COL10A1: variants seen among roughly 807,000 people sequenced by gnomAD.
The protein encoded by COL10A1 is collagen alpha-1(X) chain.
A neutral mutation model predicts 18.2 loss-of-function variants in COL10A1; 10 were observed. The ratio of observed to expected loss-of-function variants is 0.55; its 90% CI spans 0.34 to 0.93. The LOEUF (loss-of-function observed/expected upper bound fraction) is 0.93. Among genes scored for constraint, COL10A1 ranks in the 40% least tolerant of loss-of-function variants. COL10A1 has a pLI of 0.02. For synonymous variants in COL10A1, 330 were observed against 316.6 expected, an observed-to-expected ratio of 1.04 and a Z score of -0.45; for missense variants, 897 against 853.5, an observed-to-expected ratio of 1.05 and a Z score of -0.64.
chr6:116,209,233 C>CA, the COL10A1 span, among the ~76,000 whole-genome samples: 3 of 151,946 alleles, frequency 2.0e-5, no homozygotes, highest in African/African-American at 7.2e-5. Flanking sequence ...CACCAAGAGA[C>CA]AAAATCAAGG....
upstream of COL10A1, among the ~76,000 whole-genome samples, chr6:116,163,687 AGTTT>A (rs1209160382): frequency 6.6e-6 from 1 of 151,844 alleles, no homozygotes; most frequent in Non-Finnish European, 1.5e-5. Context: ...TTGTTTTTCT[AGTTT>A]GTTAGGTACA....
the COL10A1 span, among the ~76,000 whole-genome samples, chr6:116,216,873 G>A: frequency 6.6e-6 from 1 of 152,074 alleles, no homozygotes; most frequent in African/African-American, 2.4e-5. Flanking sequence ...TCATCGCTAG[G>A]CATTTTAGCT....
At chr6:116,194,637 T>C in the COL10A1 span, among the ~76,000 whole-genome samples, 2 of 152,064 alleles carry the variant, frequency 1.3e-5, no homozygotes, top group African/African-American at 4.8e-5. Context: ...TAATGTGAAT[T>C]CTCTTTATTT....
chr6:116,203,763 G>A, the COL10A1 span, among the ~76,000 whole-genome samples: 1 of 151,896 alleles, frequency 6.6e-6, no homozygotes, highest in African/African-American at 2.4e-5. Context: ...ATTATAGGGT[G>A]TATTTGTGAG....
At chr6:116,185,599 C>T in the COL10A1 span, among the ~76,000 whole-genome samples, 2 of 152,002 alleles carry the variant, frequency 1.3e-5, no homozygotes, top group South Asian at 4.2e-4. Flanking sequence ...TTGGACTAGT[C>T]CTTTTATCCT....
At position 116,156,259 on chromosome 6, in the gene COL10A1, C is replaced by T. The variant is rs547614549; in HGVS notation, c.-16+2355G>A. ...TGTAGTTTTTTCCTCCTCTGCAACC[C>T]ATTTCTCTAATTTTCCGGCAAAACT... On this transcript the variant is annotated intron_variant, in intron 1 of 1. Transcript: ENST00000418500. Among the ~76,000 whole-genome samples the T allele has an allele frequency of 2.6e-3, 398 of 152,196 alleles. 1 individual carries two copies. The highest frequency in any genetic ancestry group is 6.8e-3 in the South Asian group (33 of 4,824).
chr6:116,159,439 C>G (rs1780279680), upstream of COL10A1, among the ~76,000 whole-genome samples: 4 of 151,986 alleles, frequency 2.6e-5, no homozygotes, highest in Admixed American at 2.6e-4. Context: ...TCTTTATTGC[C>G]TCTGAGTTAA....
intron 2 of COL10A1, among the ~76,000 whole-genome samples, chr6:116,124,762 T>C (rs1779241267): frequency 6.6e-6 from 1 of 152,192 alleles, no homozygotes; most frequent in East Asian, 1.9e-4. Context: ...ATTTTACCGC[T>C]AAACTATATT....
At chr6:116,150,644 TG>T (rs1291698348) in intron 1 of COL10A1, among the ~76,000 whole-genome samples, 1 of 152,100 alleles carries the variant, frequency 6.6e-6, no homozygotes, top group Non-Finnish European at 1.5e-5. Flanking sequence ...TGGACAAGAG[TG>T]AGTTTTAGGT....
At chr6:116,162,969 T>C (rs1282131855), upstream of COL10A1, among the ~76,000 whole-genome samples, 4 of 151,476 alleles carry the variant, frequency 2.6e-5, no homozygotes, top group African/African-American at 4.9e-5. Context: ...CTACTAAATA[T>C]ACAAAAAATT....
At chr6:116,138,276 C>T (rs1302427099) in intron 1 of COL10A1, among the ~76,000 whole-genome samples, 1 of 152,152 alleles carries the variant, frequency 6.6e-6, no homozygotes, top group African/African-American at 2.4e-5. Flanking sequence ...TAGCCAAGAT[C>T]ACCATGGTAA....
the COL10A1 span, among the ~76,000 whole-genome samples, chr6:116,188,412 A>C: frequency 6.6e-6 from 1 of 152,060 alleles, no homozygotes; most frequent in Admixed American, 6.6e-5. Flanking sequence ...ATATCCCTCA[A>C]TAGTGCAGTT....
the COL10A1 span, among the ~76,000 whole-genome samples, chr6:116,212,324 A>T: frequency 6.6e-6 from 1 of 152,112 alleles, no homozygotes; most frequent in Non-Finnish European, 1.5e-5. Flanking sequence ...GTAGTGCCTC[A>T]TTAAAATAGC....
At chr6:116,132,818 CAG>C (rs1278202030) in intron 1 of COL10A1, among the ~76,000 whole-genome samples, 1 of 152,100 alleles carries the variant, frequency 6.6e-6, no homozygotes, top group Non-Finnish European at 1.5e-5. Flanking sequence ...GAAGTTTAGT[CAG>C]GGCACCTTCC....
chr6:116,135,739 CAAAT>C (rs1183331865), intron 1 of COL10A1, among the ~76,000 whole-genome samples: 2 of 149,984 alleles, frequency 1.3e-5, no homozygotes, highest in Admixed American at 1.3e-4. Context: ...CATAGTTTCA[CAAAT>C]ACTCAGCTTA....
chr6:116,165,797 G>C, the COL10A1 span, among the ~76,000 whole-genome samples: 1 of 152,212 alleles, frequency 6.6e-6, no homozygotes, highest in East Asian at 1.9e-4. Flanking sequence ...CCAGGGACCT[G>C]CTGGTCCCCT....
the COL10A1 span, among the ~76,000 whole-genome samples, chr6:116,178,466 A>C: frequency 6.6e-6 from 1 of 152,184 alleles, no homozygotes; most frequent in African/African-American, 2.4e-5. Flanking sequence ...AGTGGTCAAA[A>C]CCTGGACCAG....
chr6:116,188,974 C>A, the COL10A1 span, among the ~76,000 whole-genome samples: 14 of 151,986 alleles, frequency 9.2e-5, no homozygotes, highest in African/African-American at 3.4e-4. Flanking sequence ...AAAACATTAT[C>A]ATTGGCCCCA....
At chr6:116,133,415 G>C (rs965819387) in intron 1 of COL10A1, among the ~76,000 whole-genome samples, 1 of 152,086 alleles carries the variant, frequency 6.6e-6, no homozygotes, top group Non-Finnish European at 1.5e-5. Flanking sequence ...TTGTTCCTCT[G>C]TTTGCCATCG....
Sources: allele counts gnomAD v4.1 joint callset (sites outside exome capture counted in the v4.1 genomes callset), GRCh38; gene constraint gnomAD v4.1.1; transcripts MANE v1.5; gene names NCBI Gene and HGNC (gene_info 2026-07-23, HGNC 2026-07-21).